Variants in PARM1 observed in about 807,000 individuals in gnomAD.
The protein encoded by PARM1 is WSC4, cell wall integrity and stress response component 4 homolog.
A neutral mutation model predicts 24.6 loss-of-function variants in PARM1; 14 were observed. The ratio of observed to expected loss-of-function variants is 0.57; its 90% CI spans 0.38 to 0.89. The LOEUF is 0.89. Ranked by LOEUF, PARM1 falls within the 40% of genes least tolerant of loss-of-function variation. The pLI, the probability that PARM1 is intolerant of heterozygous loss-of-function variation, is 0.00. For synonymous variants in PARM1, 179 were observed against 156.6 expected (o/e 1.14, Z -1.07); for missense variants, 362 against 380.4 (o/e 0.95, Z 0.40).
chr4:74,993,007 A>C (rs955240262), intron 1 of PARM1, among the ~76,000 whole-genome samples: 46 of 152,332 alleles, frequency 3.0e-4, no homozygotes, highest in Middle Eastern at 6.8e-3. Context: ...ATAGCTTCTA[A>C]TTATCCCCAC....
At chr4:75,004,456 A>T (rs1722735728) in intron 1 of PARM1, among the ~76,000 whole-genome samples, 1 of 152,168 alleles carries the variant, frequency 6.6e-6, no homozygotes, top group South Asian at 2.1e-4. Flanking sequence ...AAGGCTCTGG[A>T]TTTCTCAGAA....
rs776822498 is a variant in PARM1, at chr4:75,012,767, C to T, written c.386C>T (p.Thr129Ile). Residue 129 changes from threonine (T) to isoleucine (I), a missense_variant, in exon 2 of 4, where the codon ACT becomes ATT. Thr to Ile is a moderately conservative substitution (Grantham distance 89). Transcript: ENST00000307428. ...TTTLEEHSSG[T>I]PEAGVAATLS... is the part of the protein sequence containing the mutation. ...ACGTTGGAGGAACACAGCTCGGGCA[C>T]TCCTGAAGCAGGCGTGGCAGCTACA... The T allele has an allele frequency of 1.7e-5, 27 of 1,613,876 alleles. No individual in the cohort carries two copies. Among genetic ancestry groups the T allele is most frequent in the Non-Finnish European group, 2.2e-5 (26 of 1,179,906 alleles).
At chr4:75,014,384 G>A (rs1722937514) in intron 2 of PARM1, among the ~76,000 whole-genome samples, 1 of 152,138 alleles carries the variant, frequency 6.6e-6, no homozygotes, top group Admixed American at 6.5e-5. Context: ...TGGGATAAAG[G>A]AACTAATGAC....
At chr4:75,018,766 T>C (rs1336561664) in intron 2 of PARM1, among the ~76,000 whole-genome samples, 1 of 152,222 alleles carries the variant, frequency 6.6e-6, no homozygotes, top group Non-Finnish European at 1.5e-5. Context: ...CTCAGCAGTA[T>C]CTGTTTTACA....
At chr4:74,941,334 C>T (rs922455237) in intron 1 of PARM1, among the ~76,000 whole-genome samples, 8 of 152,144 alleles carry the variant, frequency 5.3e-5, no homozygotes, top group Middle Eastern at 3.4e-3. Flanking sequence ...TATCAAATTA[C>T]GTGCAGAAAT....
At chr4:74,940,285 G>C (rs1278932449) in intron 1 of PARM1, among the ~76,000 whole-genome samples, 1 of 152,148 alleles carries the variant, frequency 6.6e-6, no homozygotes, top group African/African-American at 2.4e-5. Context: ...TTTATGACAT[G>C]GTTTTAGTTT....
intron 1 of PARM1, among the ~76,000 whole-genome samples, chr4:74,987,470 T>C (rs1722379048): frequency 6.6e-6 from 1 of 152,248 alleles, no homozygotes; most frequent in South Asian, 2.1e-4. Context: ...AAGATGCATG[T>C]AAATCAAAAC....
chr4:75,033,770 C>G (rs541231511), intron 2 of PARM1, 113 bp from the exon 3 acceptor site: 25 of 694,498 alleles, frequency 3.6e-5, no homozygotes, highest in East Asian at 1.9e-4. Flanking sequence ...TAGCTTTTCC[C>G]CCTTTCAGAG....
At chr4:75,036,267 C>T (rs1224113877) in intron 3 of PARM1, among the ~76,000 whole-genome samples, 1 of 152,226 alleles carries the variant, frequency 6.6e-6, no homozygotes, top group Non-Finnish European at 1.5e-5. Flanking sequence ...TCTTCCTCTT[C>T]ACTTTGGCAA....
intron 1 of PARM1, among the ~76,000 whole-genome samples, chr4:74,950,676 A>C (rs1449261664): frequency 1.3e-5 from 2 of 152,214 alleles, no homozygotes; most frequent in Non-Finnish European, 2.9e-5. Context: ...CAGATAAAAT[A>C]AGTTATGAAC....
chr4:74,980,854 AAAAC>A (rs1273900599), intron 1 of PARM1, among the ~76,000 whole-genome samples: 5 of 152,230 alleles, frequency 3.3e-5, no homozygotes, highest in South Asian at 2.1e-4. Context: ...AAACCTGACA[AAAAC>A]AAGCAATGGG....
intron 2 of PARM1, among the ~76,000 whole-genome samples, chr4:75,023,229 C>A (rs1723121417): frequency 6.6e-6 from 1 of 152,178 alleles, no homozygotes; most frequent in Admixed American, 6.5e-5. Context: ...CCTCAGACTG[C>A]CTGGTTCAAA....
At chr4:74,974,795 A>C (rs1399201125) in intron 1 of PARM1, among the ~76,000 whole-genome samples, 1 of 152,134 alleles carries the variant, frequency 6.6e-6, no homozygotes, top group Non-Finnish European at 1.5e-5. Flanking sequence ...GGTCAGAAGG[A>C]TGGGGCTCTT....
intron 1 of PARM1, among the ~76,000 whole-genome samples, chr4:74,953,744 T>C (rs1050149379): frequency 6.6e-6 from 1 of 152,136 alleles, no homozygotes; most frequent in African/African-American, 2.4e-5. Flanking sequence ...ATGAAAGAAC[T>C]GACAAGAAAC....
intron 1 of PARM1, among the ~76,000 whole-genome samples, chr4:74,940,728 G>A (rs184282950): frequency 5.5e-4 from 84 of 152,296 alleles, no homozygotes; most frequent in African/African-American, 1.9e-3. Context: ...CATACTGTAG[G>A]ACCACTCCAT....
At chr4:75,040,313 T>G (rs6845751) in intron 3 of PARM1, among the ~76,000 whole-genome samples, 119,729 of 152,152 alleles carry the variant, frequency 0.79, 47,478 homozygotes, top group East Asian at 0.9. Flanking sequence ...ATGATTGTCT[T>G]CCAATAGTAA....
At chr4:74,977,465 G>T (rs1471507133) in intron 1 of PARM1, among the ~76,000 whole-genome samples, 2 of 152,138 alleles carry the variant, frequency 1.3e-5, no homozygotes, top group Non-Finnish European at 2.9e-5. Context: ...ATGGGATTAT[G>T]TAAAAAGGCT....
intron 2 of PARM1, among the ~76,000 whole-genome samples, chr4:75,032,677 G>C (rs1311415465): frequency 6.6e-6 from 1 of 152,122 alleles, no homozygotes; most frequent in East Asian, 1.9e-4. Flanking sequence ...TTATTCCTCT[G>C]TCTCAGCAGG....
At chr4:75,007,191 G>A (rs924128172) in intron 1 of PARM1, among the ~76,000 whole-genome samples, 4 of 152,188 alleles carry the variant, frequency 2.6e-5, no homozygotes, top group Non-Finnish European at 5.9e-5. Flanking sequence ...TCTCACACCA[G>A]TTAGAATGGT....
Sources: gnomAD v4.1 joint callset for allele counts (sites outside exome capture counted in the v4.1 genomes callset) on GRCh38, gnomAD v4.1.1 for gene constraint, MANE v1.5 for transcripts, NCBI Gene and HGNC (gene_info 2026-07-23, HGNC 2026-07-21) for gene names.